TBC1D19: variants seen among roughly 807,000 people sequenced by gnomAD.
TBC1D19 encodes the protein TBC1 domain family, member 19.
TBC1D19 carries 60 observed loss-of-function variants against 89.0 expected under a neutral mutation model. That is an observed-to-expected ratio of 0.67 (90% CI 0.55 to 0.84). The LOEUF (loss-of-function observed/expected upper bound fraction) is 0.84. TBC1D19 is among the 40% of genes least tolerant of loss of function. The probability of loss-of-function intolerance (pLI) is 0.00; values close to 1 mark genes in which losing one functional copy is unlikely to be tolerated. For synonymous variants in TBC1D19, 189 were observed against 199.7 expected (o/e 0.95, Z 0.45); for missense variants, 500 against 610.8 (o/e 0.82, Z 1.91).
chr4:26,657,222 C>G (rs930797577), intron 7 of TBC1D19, among the ~76,000 whole-genome samples: 1 of 151,864 alleles, frequency 6.6e-6, no homozygotes, highest in Non-Finnish European at 1.5e-5. Flanking sequence ...TCTCCTAATG[C>G]TGTCCCTCCC....
intron 20 of TBC1D19, 123 bp downstream of exon 20, chr4:26,754,013 A>C (rs71612804): frequency 1.1e-6 from 1 of 937,274 alleles, no homozygotes; most frequent in Middle Eastern, 2.1e-4. Flanking sequence ...CTCGGGTAAA[A>C]CCTGTTAAGT....
At chr4:26,624,086 CA>C (rs1353084790) in intron 4 of TBC1D19, among the ~76,000 whole-genome samples, 1 of 152,132 alleles carries the variant, frequency 6.6e-6, no homozygotes, top group African/African-American at 2.4e-5. Flanking sequence ...TCCACTTTGT[CA>C]GTCTCTGCTG....
chr4:26,844,301 T>C, the TBC1D19 span, among the ~76,000 whole-genome samples: 1 of 152,232 alleles, frequency 6.6e-6, no homozygotes, highest in African/African-American at 2.4e-5. Context: ...TGACCTGTTA[T>C]GTACTCCAGG....
intron 4 of TBC1D19, among the ~76,000 whole-genome samples, chr4:26,634,075 C>CA (rs111244858): frequency 0.08 from 10,274 of 127,820 alleles, 716 homozygotes; most frequent in African/African-American, 0.2. Flanking sequence ...GAGTATTTTG[C>CA]AAAAAAAAAA....
the TBC1D19 span, among the ~76,000 whole-genome samples, chr4:26,791,212 T>C: frequency 6.6e-6 from 1 of 152,202 alleles, no homozygotes; most frequent in East Asian, 1.9e-4. Flanking sequence ...TCTCAGACTT[T>C]TCTAGAGAAG....
the TBC1D19 span, among the ~76,000 whole-genome samples, chr4:26,777,809 G>A: frequency 6.6e-6 from 1 of 152,086 alleles, no homozygotes; most frequent in African/African-American, 2.4e-5. Flanking sequence ...GTCTGGACAT[G>A]GTGGCTCATG....
Position 26,739,937 on chromosome 4 carries a change from T to C in TBC1D19, c.1191T>C (p.Phe397=), listed in dbSNP as rs1273512347. The stretch of plus-strand genomic sequence containing the variant: ...TATTCCGTGAGATGTATGTGCGTTT[T>C]TTCTTCAGACTCCATTCCATCTCTT... ...YQIFREMYVR[F]FFRLHSISSH... The change falls in exon 17 of 21, where the codon TTT becomes TTC. Residue 397 remains phenylalanine (F), a synonymous_variant. Transcript: ENST00000264866. 1 of 1,597,288 alleles carries C rather than the reference T, an allele frequency of 6.3e-7. No individual in the cohort carries two copies. Among genetic ancestry groups the C allele is most frequent in the East Asian group, 2.3e-5 (1 of 43,628 alleles).
At chr4:26,697,368 T>C (rs1311082583) in intron 13 of TBC1D19, among the ~76,000 whole-genome samples, 1 of 152,106 alleles carries the variant, frequency 6.6e-6, no homozygotes, top group Non-Finnish European at 1.5e-5. Context: ...AGGCAATAAG[T>C]AATGGCCTAC....
chr4:26,753,932 G>A, intron 20 of TBC1D19, 42 bp downstream of exon 20: 1 of 1,608,476 alleles, frequency 6.2e-7, no homozygotes, highest in Non-Finnish European at 8.5e-7. Flanking sequence ...AATAGTTTCT[G>A]AGAGATTGCC....
the TBC1D19 span, among the ~76,000 whole-genome samples, chr4:26,768,150 G>T: frequency 6.6e-6 from 1 of 152,294 alleles, no homozygotes; most frequent in East Asian, 1.9e-4. Context: ...GGCTGAAAAA[G>T]AATTACTCAG....
chr4:26,646,364 G>A (rs756639889), intron 7 of TBC1D19, among the ~76,000 whole-genome samples: 3 of 152,290 alleles, frequency 2.0e-5, no homozygotes, highest in Middle Eastern at 3.4e-3. Context: ...TACACTATTG[G>A]TAGTGTAAAC....
chr4:26,769,900 G>C, the TBC1D19 span, among the ~76,000 whole-genome samples: 1 of 152,026 alleles, frequency 6.6e-6, no homozygotes, highest in Non-Finnish European at 1.5e-5. Context: ...AAGGTAGACT[G>C]TGATAAGTTA....
In TBC1D19 at chr4:26,584,307, G is replaced by T; in HGVS notation, c.99+15G>T. On this transcript the variant is annotated intron_variant, in intron 1 of 20. Transcript: ENST00000264866. ...GGCAGGCCTGGGTAAGTGAGGCCGA[G>T]TGGGAAGGGATGCAGACGGGCGGGG... The T allele has an allele frequency of 6.2e-7, 1 of 1,601,198 alleles. No homozygotes were observed. The highest frequency in any genetic ancestry group is 8.5e-7 in the Non-Finnish European group (1 of 1,174,392).
intron 4 of TBC1D19, among the ~76,000 whole-genome samples, chr4:26,625,682 A>T (rs1364291339): frequency 6.6e-6 from 1 of 152,102 alleles, no homozygotes; most frequent in Non-Finnish European, 1.5e-5. Context: ...TGACTTTCGC[A>T]GTTTTGAGAA....
chr4:26,614,538 CTTG>C (rs1275883874), intron 3 of TBC1D19, 85 bp downstream of exon 3: 6 of 796,302 alleles, frequency 7.5e-6, no homozygotes, highest in Admixed American at 2.9e-5. Flanking sequence ...GTTATATATA[CTTG>C]TTGTATTATT....
chr4:26,653,097 C>T (rs1744521208), intron 7 of TBC1D19, among the ~76,000 whole-genome samples: 1 of 152,162 alleles, frequency 6.6e-6, no homozygotes, highest in Admixed American at 6.5e-5. Context: ...CAAAGAACAT[C>T]TTTATTTCTG....
chr4:26,660,494 CT>C lies in TBC1D19; in HGVS notation c.591+792del, dbSNP rs1255117468. Among the ~76,000 whole-genome samples the C allele has an allele frequency of 1.9e-4, 29 of 152,278 alleles. No homozygotes were observed. The East Asian group carries it at 5.2e-3, about 27-fold the overall frequency. ...TATTATCTTTCAGCTCCAAATTCTC[CT>C]TTTTGCTCTGCTTTATCATGCTGGA... On this transcript the variant is annotated intron_variant, in intron 8 of 20. Coordinates refer to ENST00000264866, the MANE Select transcript of TBC1D19 (RefSeq NM_018317.4).
At chr4:26,852,899 G>A in the TBC1D19 span, among the ~76,000 whole-genome samples, 1 of 152,170 alleles carries the variant, frequency 6.6e-6, no homozygotes, top group Admixed American at 6.5e-5. Context: ...GATTACAGGC[G>A]TGAGCCACTG....
chr4:26,599,778 T>G lies in TBC1D19; in HGVS notation c.100-13391T>G. Among the ~76,000 whole-genome samples the G allele has an allele frequency of 1.3e-5, 2 of 151,874 alleles. 1 individual carries two copies. The highest frequency in any genetic ancestry group is 3.9e-4 in the East Asian group (2 of 5,152). On this transcript the variant is annotated intron_variant, in intron 1 of 20. Transcript: ENST00000264866. ...CTGGGCAACACAGTGAAGCCATGTC[T>G]CTACTAGAGTACAAAAGAAATTAGC...
Sources: allele counts gnomAD v4.1 joint callset (sites outside exome capture counted in the v4.1 genomes callset), GRCh38; gene constraint gnomAD v4.1.1; transcripts MANE v1.5; gene names NCBI Gene and HGNC (gene_info 2026-07-23, HGNC 2026-07-21).